Variants in LRMDA observed in about 807,000 individuals in gnomAD.
LRMDA encodes leucine-rich melanocyte differentiation-associated protein.
LRMDA carries 18 observed loss-of-function variants against 29.8 expected under a neutral mutation model. The observed-to-expected ratio is 0.60, with a 90% confidence interval of 0.42 to 0.90. The LOEUF is 0.90. Among genes scored for constraint, LRMDA ranks in the 40% least tolerant of loss-of-function variants. The pLI is 0.00. For missense variants in LRMDA, 273 were observed against 273.9 expected (o/e 1.00, Z 0.02); for synonymous variants, 125 against 109.4 (o/e 1.14, Z -0.89).
chr10:75,806,835 C>T (rs1257626436), intron 2 of LRMDA, among the ~76,000 whole-genome samples: 1 of 148,372 alleles, frequency 6.7e-6, no homozygotes, highest in African/African-American at 2.5e-5. Context: ...AAACCACACA[C>T]AAAAAAACCT....
chr10:75,591,502 A>G (rs1840723960), intron 2 of LRMDA, among the ~76,000 whole-genome samples: 1 of 152,204 alleles, frequency 6.6e-6, no homozygotes, highest in Non-Finnish European at 1.5e-5. Flanking sequence ...ATTTTAGGTC[A>G]TGAGCAGTTT....
At chr10:76,541,512 A>G (rs759332879) in intron 6 of LRMDA, among the ~76,000 whole-genome samples, 8 of 152,142 alleles carry the variant, frequency 5.3e-5, no homozygotes, top group African/African-American at 9.7e-5. Flanking sequence ...AAAGAGAAGG[A>G]TAAGTTCAGG....
At chr10:76,308,582 T>A (rs79960044) in intron 5 of LRMDA, among the ~76,000 whole-genome samples, 1,756 of 152,224 alleles carry the variant, frequency 0.012, 33 homozygotes, top group African/African-American at 0.04. Flanking sequence ...CTCTGTGAAG[T>A]CACCTTTGCT....
rs367599201 is a variant in LRMDA, at chr10:75,812,318, G to A, written c.132-223690G>A. Among the ~76,000 whole-genome samples the A allele has an allele frequency of 7.9e-5, 12 of 152,040 alleles. No homozygotes were observed. The South Asian group carries it at 1.5e-3, about 18-fold the overall frequency. ...AACTCTTCGAAAAACTGTCAAGCCC[G>A]TCAATGTAGCATGAAACAAAAAGTT... On this transcript the variant is annotated intron_variant, in intron 2 of 6. Transcript: ENST00000611255.
At chr10:76,019,506 A>G (rs1016046455) in intron 2 of LRMDA, among the ~76,000 whole-genome samples, 1 of 152,182 alleles carries the variant, frequency 6.6e-6, no homozygotes, top group African/African-American at 2.4e-5. Flanking sequence ...TTGAAAGACA[A>G]AACTATTGTG....
chr10:76,535,395 T>G (rs2132378049), intron 6 of LRMDA, among the ~76,000 whole-genome samples: 1 of 152,284 alleles, frequency 6.6e-6, no homozygotes, highest in Non-Finnish European at 1.5e-5. Flanking sequence ...TTTAAACAAC[T>G]GATTGCTGTT....
At chr10:75,671,724 C>T (rs1204303817) in intron 2 of LRMDA, among the ~76,000 whole-genome samples, 2 of 151,606 alleles carry the variant, frequency 1.3e-5, no homozygotes, top group East Asian at 1.9e-4. Flanking sequence ...CACCATGGCA[C>T]GTGTATACCT....
chr10:76,512,941 T>A (rs534817071), intron 6 of LRMDA, among the ~76,000 whole-genome samples: 10 of 152,326 alleles, frequency 6.6e-5, no homozygotes, highest in African/African-American at 2.4e-4. Flanking sequence ...TCATATCTAC[T>A]ACGTGATATA....
rs1157185768 is a variant in LRMDA, at chr10:76,383,415, C to CT, written c.601+58956dup. 8.8e-3 allele frequency among the ~76,000 whole-genome samples: 771 copies of CT among 87,284 alleles called. 59 individuals are homozygous for CT. Among genetic ancestry groups the CT allele is most frequent in the South Asian group, 0.041 (89 of 2,148 alleles). The allele number at this position is 87,284 out of a possible 152,430, so 57.3% of individuals were successfully genotyped here. A position where few individuals can be genotyped will look rare whatever the true frequency, so the allele number is the denominator to read the frequency against. On this transcript the variant is annotated intron_variant, in intron 6 of 6. Transcript: ENST00000611255. The stretch of plus-strand genomic sequence containing the variant: ...TTTTTTGAGTACACCAATGTCTTTT[C>CT]TTTTTTTTTTTTTTTTTTTTTTTTT...
intron 6 of LRMDA, among the ~76,000 whole-genome samples, chr10:76,492,671 G>C (rs150309957): frequency 5.5e-4 from 83 of 152,168 alleles, no homozygotes; most frequent in African/African-American, 1.6e-3. Context: ...AAGGAAAGAG[G>C]TTTAATTGAC....
intron 6 of LRMDA, among the ~76,000 whole-genome samples, chr10:76,368,839 T>G (rs1841421896): frequency 2.6e-5 from 4 of 152,198 alleles, no homozygotes; most frequent in Admixed American, 2.6e-4. Context: ...GACAAGGTCT[T>G]TACCATTATA....
chr10:75,650,126 C>G (rs1490510528), intron 2 of LRMDA, among the ~76,000 whole-genome samples: 1 of 152,140 alleles, frequency 6.6e-6, no homozygotes, highest in Non-Finnish European at 1.5e-5. Flanking sequence ...TTGATGAAGT[C>G]TAGTTTGTCT....
intron 2 of LRMDA, among the ~76,000 whole-genome samples, chr10:75,479,604 TACTC>T (rs144081810): frequency 3.9e-5 from 6 of 152,148 alleles, no homozygotes; most frequent in South Asian, 2.1e-4. Flanking sequence ...TTCATTCATT[TACTC>T]ACTCACTTTA....
intron 1 of LRMDA, among the ~76,000 whole-genome samples, chr10:75,437,028 TC>T (rs1340122595): frequency 6.6e-6 from 1 of 152,232 alleles, no homozygotes; most frequent in Non-Finnish European, 1.5e-5. Flanking sequence ...CAGCTATTTT[TC>T]TATCCTTTCT....
intron 6 of LRMDA, among the ~76,000 whole-genome samples, chr10:76,414,686 C>T (rs1841996906): frequency 6.6e-6 from 1 of 152,162 alleles, no homozygotes; most frequent in Admixed American, 6.5e-5. Flanking sequence ...GTGTTCTCCT[C>T]TTCTGTGTGT....
At chr10:76,320,386 AG>A (rs1292626165) in intron 5 of LRMDA, among the ~76,000 whole-genome samples, 4 of 152,190 alleles carry the variant, frequency 2.6e-5, no homozygotes, top group African/African-American at 9.6e-5. Flanking sequence ...TTGCGGGGGA[AG>A]GGGATACATA....
chr10:75,600,901 A>G (rs1840877115), intron 2 of LRMDA, among the ~76,000 whole-genome samples: 1 of 152,204 alleles, frequency 6.6e-6, no homozygotes, highest in African/African-American at 2.4e-5. Flanking sequence ...AGTGCAGAGA[A>G]AATGTCTTGA....
At chr10:76,114,036 G>A (rs943304915) in intron 5 of LRMDA, among the ~76,000 whole-genome samples, 6 of 152,144 alleles carry the variant, frequency 3.9e-5, no homozygotes, top group Non-Finnish European at 8.8e-5. Flanking sequence ...GTCAGGCCTA[G>A]TAAGAAAAAG....
chr10:75,618,828 G>C lies in LRMDA; in HGVS notation c.131+180334G>C, dbSNP rs986022292. Among the ~76,000 whole-genome samples, 4 of 147,734 alleles carry C rather than the reference G, an allele frequency of 2.7e-5. No individual in the cohort carries two copies. The East Asian group carries it at 7.9e-4, about 29-fold the overall frequency. On this transcript the variant is annotated intron_variant, in intron 2 of 6. Transcript: ENST00000611255. ...TTTCACTCTTGTTGCCCTGGCTGGAGTGCAATGGCATGATCTTGGCTTACT... is the reference window on the plus strand; with the variant it reads ...TTTCACTCTTGTTGCCCTGGCTGGACTGCAATGGCATGATCTTGGCTTACT...
Sources: gnomAD v4.1 joint callset for allele counts (sites outside exome capture counted in the v4.1 genomes callset) on GRCh38, gnomAD v4.1.1 for gene constraint, MANE v1.5 for transcripts, NCBI Gene and HGNC (gene_info 2026-07-23, HGNC 2026-07-21) for gene names.